Variants in SLC36A1 observed in about 807,000 individuals in gnomAD.
SLC36A1 encodes proton-coupled amino acid transporter 1.
SLC36A1 carries 30 observed loss-of-function variants against 47.5 expected under a neutral mutation model. That is an observed-to-expected ratio of 0.63 (90% CI 0.47 to 0.86). The LOEUF is 0.86. Ranked by LOEUF, SLC36A1 falls within the 40% of genes least tolerant of loss-of-function variation. The probability of loss-of-function intolerance (pLI) is 0.00; values close to 1 mark genes in which losing one functional copy is unlikely to be tolerated. For missense variants in SLC36A1, 517 were observed against 606.0 expected (o/e 0.85, Z 1.54); for synonymous variants, 255 against 249.7 (o/e 1.02, Z -0.20).
chr5:151,389,618 CT>C, the SLC36A1 span, among the ~76,000 whole-genome samples: 6 of 139,408 alleles, frequency 4.3e-5, no homozygotes. Context: ...TCCAAGTGTT[CT>C]TATTGTTCAA....
Position 151,488,718 on chromosome 5 carries a change from A to G in SLC36A1, c.*464A>G, listed in dbSNP as rs182426071. On this transcript the variant is annotated 3_prime_UTR_variant, in exon 11 of 11. Coordinates refer to ENST00000243389, the MANE Select transcript of SLC36A1 (RefSeq NM_078483.4). ...TGGGCTTCTTTCTCATCTCTCTCCC[A>G]AATGTTGTATCTCAGTATTCTTCCT... 2.7e-4 allele frequency: 45 copies of G among 167,394 alleles called. No homozygotes were observed. The highest frequency in any genetic ancestry group is 1.0e-3 in the African/African-American group (42 of 41,774). 10.4% of individuals were successfully genotyped at this position (167,394 alleles called of 1,614,324 possible). A position where few individuals can be genotyped will look rare whatever the true frequency, so the allele number is the denominator to read the frequency against.
chr5:151,397,575 G>T, the SLC36A1 span, among the ~76,000 whole-genome samples: 1 of 151,736 alleles, frequency 6.6e-6, no homozygotes, highest in African/African-American at 2.4e-5. Context: ...CAAAACCAGG[G>T]CCAACATGGT....
upstream of SLC36A1, among the ~76,000 whole-genome samples, chr5:151,435,244 AGTCT>A (rs1759698978): frequency 6.6e-6 from 1 of 152,260 alleles, no homozygotes; most frequent in Admixed American, 6.5e-5. Flanking sequence ...ATTTGCAGTC[AGTCT>A]GTCAGCTGTT....
the SLC36A1 span, among the ~76,000 whole-genome samples, chr5:151,388,372 A>C: frequency 3.3e-5 from 5 of 152,038 alleles, no homozygotes; most frequent in Admixed American, 1.3e-4. Flanking sequence ...GTGTTGGCGC[A>C]TGCCGGTAAT....
chr5:151,370,628 T>G, the SLC36A1 span, among the ~76,000 whole-genome samples: 2 of 152,374 alleles, frequency 1.3e-5, no homozygotes, highest in African/African-American at 2.4e-5. Flanking sequence ...TAAGATTTTT[T>G]CATTAAATTA....
the SLC36A1 span, among the ~76,000 whole-genome samples, chr5:151,367,664 G>C: frequency 6.6e-6 from 1 of 152,132 alleles, no homozygotes; most frequent in Non-Finnish European, 1.5e-5. Context: ...TACATCCTCA[G>C]CTTACAAAGA....
In SLC36A1 at chr5:151,488,415, G is replaced by C. The variant is rs1469233418; in HGVS notation, c.*161G>C. 5 of 907,774 alleles carry C rather than the reference G, an allele frequency of 5.5e-6. No homozygotes were observed. Among genetic ancestry groups the C allele is most frequent in the African/African-American group, 1.7e-5 (1 of 59,336 alleles). 56.2% of individuals were successfully genotyped at this position (907,774 alleles called of 1,614,324 possible). A position where few individuals can be genotyped will look rare whatever the true frequency, so the allele number is the denominator to read the frequency against. On this transcript the variant is annotated 3_prime_UTR_variant, in exon 11 of 11. Transcript: ENST00000243389. ...GGATACCCTGGGCCAGGTAACCTGA[G>C]GGCAGGGGAGAGGTGGGGTGGCAGA...
At chr5:151,554,618 A>G in the SLC36A1 span, 2 of 1,614,052 alleles carry the variant, frequency 1.2e-6, no homozygotes, top group Admixed American at 1.7e-5. Flanking sequence ...CAAGATGCCT[A>G]CCACCACCCT....
chr5:151,389,844 T>G, the SLC36A1 span, among the ~76,000 whole-genome samples: 37 of 152,202 alleles, frequency 2.4e-4, 1 homozygote, highest in African/African-American at 8.9e-4. Context: ...GTCTTTGGTA[T>G]TGTGAATAGT....
the SLC36A1 span, among the ~76,000 whole-genome samples, chr5:151,421,533 C>T: frequency 1.8e-4 from 27 of 151,786 alleles, no homozygotes; most frequent in Non-Finnish European, 3.4e-4. Context: ...TGAGCCACCA[C>T]GCCAGGCAAA....
At chr5:151,531,567 TTGG>T in the SLC36A1 span, 4 of 1,611,536 alleles carry the variant, frequency 2.5e-6, no homozygotes, top group Non-Finnish European at 3.4e-6. The surrounding 1 kb of genome is among the most constrained non-coding windows in gnomAD (Gnocchi z 5.7). Context: ...GCTTTGGGGC[TTGG>T]TGGATCAGGC....
At chr5:151,480,255 ATAGATTCC>A (rs1259819419) in intron 10 of SLC36A1, 1 of 450,510 alleles carries the variant, frequency 2.2e-6, no homozygotes, top group African/African-American at 2.0e-5. Context: ...GCTTAAAAGC[ATAGATTCC>A]TCTTTTTGGC....
chr5:151,496,552 G>C (rs976075263), downstream of SLC36A1, among the ~76,000 whole-genome samples: 3 of 152,112 alleles, frequency 2.0e-5, no homozygotes, highest in African/African-American at 7.2e-5. Flanking sequence ...CACTATTTGT[G>C]GTGTTTGTTT....
intron 6 of SLC36A1, 75 bp from the exon 7 acceptor site, chr5:151,467,632 C>T: frequency 5.5e-6 from 7 of 1,279,764 alleles, no homozygotes; most frequent in Non-Finnish European, 7.9e-6. Flanking sequence ...TCCTCAGGAA[C>T]CTCTTCCAGC....
At chr5:151,394,675 C>G in the SLC36A1 span, among the ~76,000 whole-genome samples, 1 of 152,168 alleles carries the variant, frequency 6.6e-6, no homozygotes, top group Non-Finnish European at 1.5e-5. Flanking sequence ...CACTCCAGAC[C>G]CTGTTTGCCT....
the SLC36A1 span, among the ~76,000 whole-genome samples, chr5:151,364,356 C>G: frequency 1.3e-5 from 2 of 152,116 alleles, no homozygotes; most frequent in Non-Finnish European, 2.9e-5. Context: ...CCATGTTGTT[C>G]AAGGGTCAAC....
the SLC36A1 span, chr5:151,528,185 G>A: frequency 6.3e-7 from 1 of 1,599,398 alleles, no homozygotes; most frequent in East Asian, 2.2e-5. Context: ...CTTGACCCCT[G>A]GGAGTACAGG....
the SLC36A1 span, among the ~76,000 whole-genome samples, chr5:151,430,224 G>A: frequency 6.6e-6 from 1 of 151,316 alleles, no homozygotes; most frequent in South Asian, 2.1e-4. Context: ...GAGTGCAGGG[G>A]CATGATCTTG....
chr5:151,539,076 C>G, the SLC36A1 span, among the ~76,000 whole-genome samples: 1 of 152,024 alleles, frequency 6.6e-6, no homozygotes, highest in African/African-American at 2.4e-5. Context: ...CTCAGCCTCT[C>G]CAAGCATGGG....
Sources: allele counts gnomAD v4.1 joint callset (sites outside exome capture counted in the v4.1 genomes callset), GRCh38; gene constraint gnomAD v4.1.1; non-coding constraint Gnocchi (gnomAD v3.1); transcripts MANE v1.5; gene names NCBI Gene and HGNC (gene_info 2026-07-23, HGNC 2026-07-21).